RAD51B: variants seen among roughly 807,000 people sequenced by gnomAD.
RAD51B encodes RAD51 paralog B.
A neutral mutation model predicts 42.2 loss-of-function variants in RAD51B; 38 were observed. The ratio of observed to expected loss-of-function variants is 0.90; its 90% CI spans 0.70 to 1.18. The LOEUF is 1.18. Ranked by LOEUF, RAD51B falls within the 50% of genes most tolerant of loss-of-function variation. The pLI is 0.00. For synonymous variants in RAD51B, 154 were observed against 145.2 expected (o/e 1.06, Z -0.43); for missense variants, 373 against 400.7 (o/e 0.93, Z 0.59).
At chr14:67,943,326 A>G (rs1211833951) in intron 7 of RAD51B, among the ~76,000 whole-genome samples, 2 of 152,136 alleles carry the variant, frequency 1.3e-5, no homozygotes, top group African/African-American at 4.8e-5. Flanking sequence ...ACCTTTTTAA[A>G]ATGTTTTCTT....
chr14:67,845,026 G>T (rs2041563243), intron 4 of RAD51B, among the ~76,000 whole-genome samples: 1 of 152,186 alleles, frequency 6.6e-6, no homozygotes, highest in African/African-American at 2.4e-5. Flanking sequence ...TCTTGAAGAT[G>T]GCACACCATT....
At chr14:68,199,343 T>C (rs1253336789) in intron 7 of RAD51B, among the ~76,000 whole-genome samples, 1 of 152,226 alleles carries the variant, frequency 6.6e-6, no homozygotes, top group Non-Finnish European at 1.5e-5. Flanking sequence ...GCTCATGTAA[T>C]GTTCACTGTC....
chr14:68,521,621 T>G (rs1886586893), intron 10 of RAD51B, among the ~76,000 whole-genome samples: 1 of 152,232 alleles, frequency 6.6e-6, no homozygotes, highest in African/African-American at 2.4e-5. Flanking sequence ...ATCTGTGGAA[T>G]TTCAGGCAAC....
At chr14:67,933,461 C>T (rs1357431981) in intron 7 of RAD51B, among the ~76,000 whole-genome samples, 2 of 152,170 alleles carry the variant, frequency 1.3e-5, no homozygotes, top group Non-Finnish European at 2.9e-5. Context: ...GCATGAGTTC[C>T]TTGTCTGGTG....
chr14:67,973,091 T>C (rs1483065982), intron 7 of RAD51B, among the ~76,000 whole-genome samples: 1 of 152,122 alleles, frequency 6.6e-6, no homozygotes, highest in African/African-American at 2.4e-5. Context: ...TGGCCATATC[T>C]ATCAGCAACT....
chr14:68,188,486 C>A (rs1227976344), intron 7 of RAD51B, among the ~76,000 whole-genome samples: 1 of 152,072 alleles, frequency 6.6e-6, no homozygotes, highest in East Asian at 1.9e-4. Context: ...CTTTCAGAAG[C>A]AGTTGCTATA....
At chr14:68,018,574 C>T (rs936953069) in intron 7 of RAD51B, among the ~76,000 whole-genome samples, 6 of 151,990 alleles carry the variant, frequency 3.9e-5, no homozygotes, top group Admixed American at 1.3e-4. Context: ...TGAAGCATTC[C>T]ATTATATTGT....
intron 4 of RAD51B, among the ~76,000 whole-genome samples, chr14:67,840,823 G>C (rs1179843038): frequency 7.6e-5 from 11 of 145,384 alleles, no homozygotes; most frequent in Non-Finnish European, 1.1e-4. Context: ...TTTTTTTTTG[G>C]GACAGAGTCT....
intron 11 of RAD51B, among the ~76,000 whole-genome samples, chr14:68,658,358 C>T (rs1055830910): frequency 6.6e-6 from 1 of 152,242 alleles, no homozygotes; most frequent in Non-Finnish European, 1.5e-5. Context: ...GACCTGTCCT[C>T]ATGGTGCATG....
At chr14:68,423,986 T>A (rs2084773931) in intron 9 of RAD51B, among the ~76,000 whole-genome samples, 2 of 152,304 alleles carry the variant, frequency 1.3e-5, no homozygotes, top group Non-Finnish European at 2.9e-5. Context: ...GCCAGCACCT[T>A]TTCTGTGCTC....
At chr14:68,026,491 T>C (rs1214893194) in intron 7 of RAD51B, among the ~76,000 whole-genome samples, 1 of 152,080 alleles carries the variant, frequency 6.6e-6, no homozygotes, top group Non-Finnish European at 1.5e-5. Context: ...AGTCTTTTCA[T>C]AGGTCAAGAA....
chr14:68,238,732 G>C (rs569251411), intron 7 of RAD51B, among the ~76,000 whole-genome samples: 7 of 152,208 alleles, frequency 4.6e-5, no homozygotes, highest in Admixed American at 6.5e-5. Flanking sequence ...GTATCCCTGC[G>C]TTGTGGTCTG....
chr14:68,632,915 G>A (rs1271593872), intron 10 of RAD51B, among the ~76,000 whole-genome samples: 2 of 143,350 alleles, frequency 1.4e-5, no homozygotes, highest in Non-Finnish European at 3.0e-5. Context: ...AGCTGGTACT[G>A]TAAGCACACA....
intron 7 of RAD51B, among the ~76,000 whole-genome samples, chr14:67,929,811 T>G (rs78277690): frequency 0.012 from 1,822 of 152,030 alleles, 25 homozygotes; most frequent in East Asian, 0.086. Flanking sequence ...TCTTTTTTTT[T>G]TGTGTTTTTT....
chr14:68,439,188 T>G (rs12885674), intron 9 of RAD51B, among the ~76,000 whole-genome samples: 3 of 15,556 alleles, frequency 1.9e-4, no homozygotes, highest in African/African-American at 3.7e-4. Flanking sequence ...ACACACACAC[T>G]CTCTCACACA....
chr14:68,458,833 T>C (rs751571850), intron 9 of RAD51B, among the ~76,000 whole-genome samples: 6 of 152,178 alleles, frequency 3.9e-5, no homozygotes, highest in Non-Finnish European at 8.8e-5. Context: ...ATACAGTTCA[T>C]TTTTCCATCC....
intron 9 of RAD51B, among the ~76,000 whole-genome samples, chr14:68,435,241 T>A (rs2085116838): frequency 6.6e-6 from 1 of 152,144 alleles, no homozygotes; most frequent in East Asian, 1.9e-4. Flanking sequence ...ATGGGTACCC[T>A]GTACTTAGCT....
chr14:68,493,192 A>T (rs1237592262), intron 10 of RAD51B, among the ~76,000 whole-genome samples: 1 of 152,120 alleles, frequency 6.6e-6, no homozygotes, highest in African/African-American at 2.4e-5. Flanking sequence ...CGGCCGAATG[A>T]CCCCAGAGTT....
intron 7 of RAD51B, among the ~76,000 whole-genome samples, chr14:68,123,040 T>G (rs192984896): frequency 0.013 from 1,998 of 149,708 alleles, 18 homozygotes; most frequent in Non-Finnish European, 0.02. Flanking sequence ...CAGGGGGGGG[T>G]TTTGCTGTGT....
Sources: gnomAD v4.1 joint callset for allele counts (sites outside exome capture counted in the v4.1 genomes callset) on GRCh38, gnomAD v4.1.1 for gene constraint, MANE v1.5 for transcripts, NCBI Gene and HGNC (gene_info 2026-07-23, HGNC 2026-07-21) for gene names.